DLC1: variants seen among roughly 807,000 people sequenced by gnomAD.
DLC1 encodes DLC1 Rho GTPase activating protein.
A neutral mutation model predicts 140.3 loss-of-function variants in DLC1; 54 were observed. That is an observed-to-expected ratio of 0.38 (90% CI 0.31 to 0.48). The LOEUF (loss-of-function observed/expected upper bound fraction) is 0.48, where lower values mean the gene tolerates loss of function less well. Ranked by LOEUF, DLC1 falls within the 20% of genes least tolerant of loss-of-function variation. DLC1 has a pLI of 0.96. For missense variants in DLC1, 2,536 were observed against 1,907.0 expected (o/e 1.33, Z -6.14); for synonymous variants, 986 against 728.1 (o/e 1.35, Z -5.70).
At chr8:13,120,356 A>AAAAAAAAAAATATATATAT in intron 5 of DLC1, among the ~76,000 whole-genome samples, 12 of 61,136 alleles carry the variant, frequency 2.0e-4, no homozygotes, top group Non-Finnish European at 2.6e-4. Context: ...AAAAAAAAAA[A>AAAAAAAAAAATATATATAT]ATATATATAT....
intron 2 of DLC1, among the ~76,000 whole-genome samples, chr8:13,495,594 A>G (rs547308572): frequency 5.9e-5 from 9 of 152,256 alleles, no homozygotes; most frequent in East Asian, 3.9e-4. Context: ...GTGATCCCCT[A>G]TATACTACAT....
At chr8:13,362,605 A>T (rs1835283000) in intron 4 of DLC1, among the ~76,000 whole-genome samples, 1 of 151,970 alleles carries the variant, frequency 6.6e-6, no homozygotes, top group Non-Finnish European at 1.5e-5. Context: ...ATTGTTGCCT[A>T]ATTTTTCAAT....
intron 2 of DLC1, among the ~76,000 whole-genome samples, chr8:13,467,601 C>T (rs781519171): frequency 3.9e-5 from 6 of 152,018 alleles, no homozygotes; most frequent in African/African-American, 7.2e-5. Context: ...TGTGATGGTA[C>T]GTGCCTATGG....
chr8:13,420,699 T>G (rs2117343512), intron 2 of DLC1, among the ~76,000 whole-genome samples: 1 of 152,236 alleles, frequency 6.6e-6, no homozygotes, highest in Admixed American at 6.5e-5. Context: ...AATGATGGCT[T>G]CCAGCTTCAT....
At chr8:13,302,537 C>T (rs1832243641) in intron 5 of DLC1, among the ~76,000 whole-genome samples, 1 of 152,088 alleles carries the variant, frequency 6.6e-6, no homozygotes, top group South Asian at 2.1e-4. Flanking sequence ...ACACACAGAG[C>T]AATCACACAA....
intron 2 of DLC1, among the ~76,000 whole-genome samples, chr8:13,450,402 C>T (rs1454536853): frequency 7.5e-6 from 1 of 133,664 alleles, no homozygotes; most frequent in Non-Finnish European, 1.5e-5. Context: ...TTTCAGTGAG[C>T]CAAGATAGTG....
chr8:13,315,494 A>T (rs1448105668), intron 4 of DLC1, among the ~76,000 whole-genome samples: 1 of 152,214 alleles, frequency 6.6e-6, no homozygotes, highest in African/African-American at 2.4e-5. Context: ...TATAAAATGT[A>T]AGAGGAGTCT....
At chr8:13,358,277 T>C (rs1181097471) in intron 4 of DLC1, among the ~76,000 whole-genome samples, 1 of 152,216 alleles carries the variant, frequency 6.6e-6, no homozygotes, top group Non-Finnish European at 1.5e-5. Context: ...ATGTTTTCAC[T>C]TATGAATAAG....
chr8:13,282,927 C>G (rs1385629271), intron 5 of DLC1, among the ~76,000 whole-genome samples: 3 of 152,142 alleles, frequency 2.0e-5, no homozygotes, highest in Non-Finnish European at 4.4e-5. Context: ...GTTTTATGTT[C>G]ATATACAGTC....
At chr8:13,353,318 C>T (rs1834763306) in intron 4 of DLC1, 1 of 152,022 alleles carries the variant, frequency 6.6e-6, no homozygotes, top group African/African-American at 2.4e-5. Context: ...TCCTCTGAGT[C>T]AGAAGGAGAA....
intron 5 of DLC1, among the ~76,000 whole-genome samples, chr8:13,135,044 C>T (rs1408918164): frequency 1.3e-5 from 2 of 152,044 alleles, no homozygotes; most frequent in Non-Finnish European, 2.9e-5. Flanking sequence ...TGCAGTTGCC[C>T]TCATGAGTGT....
chr8:13,505,978 G>C (rs1173068792), intron 1 of DLC1, among the ~76,000 whole-genome samples: 2 of 152,164 alleles, frequency 1.3e-5, no homozygotes, highest in East Asian at 3.9e-4. Flanking sequence ...TACTTGGAAA[G>C]ATGGCAACTT....
chr8:13,199,152 C>G (rs1021063054), intron 5 of DLC1, among the ~76,000 whole-genome samples: 9 of 149,568 alleles, frequency 6.0e-5, no homozygotes, highest in Admixed American at 6.0e-4. Flanking sequence ...CCTCTAAACA[C>G]TAGTAAATGT....
At chr8:13,097,017 G>A (rs934513538) in intron 10 of DLC1, among the ~76,000 whole-genome samples, 1 of 152,038 alleles carries the variant, frequency 6.6e-6, no homozygotes, top group Non-Finnish European at 1.5e-5. Context: ...TGATATCCAT[G>A]ACCCATCTAG....
At chr8:13,128,862 A>G (rs898023492) in intron 5 of DLC1, among the ~76,000 whole-genome samples, 1 of 106,306 alleles carries the variant, frequency 9.4e-6, no homozygotes, top group Admixed American at 9.5e-5. Context: ...AAAAGAAAAT[A>G]TATAAGCTTA....
chr8:13,352,963 G>A (rs1834744212), intron 4 of DLC1, among the ~76,000 whole-genome samples: 1 of 152,054 alleles, frequency 6.6e-6, no homozygotes, highest in South Asian at 2.1e-4. Flanking sequence ...ATCCATCTTA[G>A]TAAAACACTA....
chr8:13,527,637 G>T (rs1490181559), intron 1 of DLC1, among the ~76,000 whole-genome samples: 4 of 152,042 alleles, frequency 2.6e-5, no homozygotes, highest in African/African-American at 9.7e-5. Flanking sequence ...GTTGAGTCTT[G>T]CTTTATGGCC....
At chr8:13,516,160 A>AT (rs531264864), upstream of DLC1, among the ~76,000 whole-genome samples, 164 of 151,118 alleles carry the variant, frequency 1.1e-3, 1 homozygote, top group African/African-American at 3.9e-3. Flanking sequence ...TGACTCAAGC[A>AT]TTTTTTTGGG....
At chr8:13,238,983 T>G (rs1829419407) in intron 5 of DLC1, among the ~76,000 whole-genome samples, 1 of 152,152 alleles carries the variant, frequency 6.6e-6, no homozygotes, top group South Asian at 2.1e-4. Context: ...ACAGTCTAGC[T>G]GGAAAGCTGA....
Sources: allele counts gnomAD v4.1 joint callset (sites outside exome capture counted in the v4.1 genomes callset), GRCh38; gene constraint gnomAD v4.1.1; transcripts MANE v1.5; gene names NCBI Gene and HGNC (gene_info 2026-07-23, HGNC 2026-07-21).